The following DOT1L variants were observed in gnomAD, a reference collection of about 807,000 sequenced individuals.
DOT1L encodes DOT1 like histone lysine methyltransferase.
A neutral mutation model predicts 153.3 loss-of-function variants in DOT1L; 33 were observed. That is an observed-to-expected ratio of 0.22 (90% confidence interval 0.16 to 0.29). The LOEUF is 0.29. DOT1L is among the 10% of genes least tolerant of loss of function. The pLI is 1.00. For synonymous variants in DOT1L, 1,135 were observed against 965.1 expected, an observed-to-expected ratio of 1.18 and a Z score of -3.26; for missense variants, 1,847 against 2,119.9, an observed-to-expected ratio of 0.87 and a Z score of 2.53.
At chr19:2,211,047 C>T (rs2023693239) in intron 14 of DOT1L, 52 bp from the exon 15 acceptor site, 23 of 1,562,204 alleles carry the variant, frequency 1.5e-5, no homozygotes, top group South Asian at 1.5e-4. Context: ...ACGCCTCTGC[C>T]CACCGCTCTC....
chr19:2,222,338 A>C lies in DOT1L; in HGVS notation c.3169A>C (p.Lys1057Gln). 6.8e-6 allele frequency: 11 copies of C among 1,612,782 alleles called. No homozygotes were observed. Among genetic ancestry groups the C allele is most frequent in the Non-Finnish European group, 9.3e-6 (11 of 1,179,846 alleles). ...CATCACCACTGGTGCGGGCAGTGCC[A>C]AGCAGTCGCCCTCCAGCAAGCACAG... Reference protein sequence around the residue: ...FTITTGAGSAKQSPSSKHSPL... With the variant: ...FTITTGAGSAQQSPSSKHSPL... Residue 1057 changes from lysine to glutamine, a missense_variant, in exon 24 of 28, where the codon AAG becomes CAG. By Grantham distance (53) the Lys-to-Gln change is moderately conservative. This residue lies in a region of DOT1L where 934 missense variants were observed against 825.3 expected (regional missense o/e 1.13). Transcript: ENST00000398665. This position sits in a 1 kb window ranked among gnomAD's most constrained non-coding sequence, Gnocchi z 6.5.
chr19:2,169,456 G>A (rs1433039498), intron 1 of DOT1L, among the ~76,000 whole-genome samples: 2 of 152,170 alleles, frequency 1.3e-5, no homozygotes, highest in Admixed American at 6.6e-5. Context: ...GAATTGTCCA[G>A]AAACTCTGCA....
intron 1 of DOT1L, among the ~76,000 whole-genome samples, chr19:2,179,605 C>T (rs2022130521): frequency 6.6e-6 from 1 of 152,072 alleles, no homozygotes; most frequent in Non-Finnish European, 1.5e-5. Flanking sequence ...GTAAGGATTT[C>T]GAGACCAGCC....
intron 3 of DOT1L, among the ~76,000 whole-genome samples, chr19:2,188,494 C>CA (rs1555718593): frequency 7.7e-5 from 9 of 117,584 alleles, no homozygotes; most frequent in South Asian, 3.3e-4. Flanking sequence ...CCCCCCCCCC[C>CA]ACCCGCACAG....
At chr19:2,196,090 C>A (rs1370390989) in intron 7 of DOT1L, among the ~76,000 whole-genome samples, 1 of 152,274 alleles carries the variant, frequency 6.6e-6, no homozygotes, top group Admixed American at 6.5e-5. Context: ...CTCGACATTC[C>A]TGTCATTGCC....
chr19:2,184,124 G>A (rs1294194495), intron 2 of DOT1L, among the ~76,000 whole-genome samples: 2 of 152,180 alleles, frequency 1.3e-5, no homozygotes, highest in Non-Finnish European at 2.9e-5. Flanking sequence ...GCTGCTTTGA[G>A]TGTTTTTCTT....
chr19:2,215,153 A>G (rs1303781222), intron 19 of DOT1L, among the ~76,000 whole-genome samples: 1 of 152,096 alleles, frequency 6.6e-6, no homozygotes, highest in Non-Finnish European at 1.5e-5. Flanking sequence ...GGCATCCCCA[A>G]GGGCCATATT....
In DOT1L at chr19:2,194,560, A is replaced by C. The variant is rs1194448267; in HGVS notation, c.634A>C (p.Lys212Gln). Residue 212 changes from lysine to glutamine, a missense_variant, in exon 7 of 28, where the codon AAG (lysine) becomes CAG (glutamine). Physicochemically the swap from Lys to Gln is moderately conservative, Grantham distance 53. This residue lies in a region of DOT1L where 148 missense variants were observed against 422.3 expected (regional missense o/e 0.35). Transcript: ENST00000398665. ...GAAGTGGATGAAATGGTATGGAAAA[A>C]AGCATGCAGAATACACAGTGAGTGC... ...FRKWMKWYGKKHAEYTLERGD... is the reference protein window; with the variant it reads ...FRKWMKWYGKQHAEYTLERGD... The C allele has an allele frequency of 6.2e-7, 1 of 1,613,192 alleles. No individual in the cohort carries two copies. Among genetic ancestry groups the C allele is most frequent in the Non-Finnish European group, 8.5e-7 (1 of 1,179,932 alleles).
chr19:2,196,623 G>A (rs752317423), intron 7 of DOT1L, among the ~76,000 whole-genome samples: 9 of 152,182 alleles, frequency 5.9e-5, no homozygotes, highest in Admixed American at 2.6e-4. Flanking sequence ...GAGCCACCGC[G>A]CCGGGCCTCC....
Position 2,227,141 on chromosome 19 carries a change from C to A in DOT1L, c.4606+14C>A. 6.4e-7 allele frequency: 1 copy of A among 1,553,852 alleles called. No individual in the cohort carries two copies. Among genetic ancestry groups the A allele is most frequent in the Admixed American group, 1.9e-5 (1 of 52,244 alleles). On this transcript the variant is annotated intron_variant, in intron 27 of 27. Transcript: ENST00000398665. ...GCACAGTTGGAGGTAGGCAGGGCGGCCGTCCGTCCGCCCCCCGCCCCGGCC... is the reference window on the plus strand; with the variant it reads ...GCACAGTTGGAGGTAGGCAGGGCGGACGTCCGTCCGCCCCCCGCCCCGGCC...
intron 26 of DOT1L, among the ~76,000 whole-genome samples, chr19:2,225,970 C>G (rs781392462): frequency 3.3e-5 from 5 of 152,148 alleles, no homozygotes; most frequent in Non-Finnish European, 7.4e-5. Context: ...GCCATCTCAT[C>G]CTGTGCTGTA....
rs2144929052 is a variant in DOT1L, at chr19:2,226,207, C to T, written c.3686C>T (p.Pro1229Leu). 1 of 1,523,428 alleles carries T rather than the reference C, an allele frequency of 6.6e-7. No individual in the cohort carries two copies. Among genetic ancestry groups the T allele is most frequent in the Admixed American group, 2.0e-5 (1 of 49,542 alleles). The allele number at this position is 1,523,428 out of a possible 1,614,324, so 94.4% of individuals were successfully genotyped here. A position where few individuals can be genotyped will look rare whatever the true frequency, so the allele number is the denominator to read the frequency against. Residue 1229 changes from proline to leucine, a missense_variant, in exon 27 of 28, where the codon CCC becomes CTC. Pro to Leu is a moderately conservative substitution (Grantham distance 98). Coordinates refer to ENST00000398665, the MANE Select transcript of DOT1L (RefSeq NM_032482.3). The part of the protein sequence containing the change: ...ENGGGLAGRK[P>L]APAGEPVNSS... ...GGTGGTGGCTTGGCGGGAAGGAAGC[C>T]CGCGCCCGCCGGCGAGCCAGTCAAT... is the stretch of plus-strand genomic sequence containing the variant.
intron 26 of DOT1L, among the ~76,000 whole-genome samples, 180 bp from the exon 27 acceptor site, chr19:2,226,003 T>C (rs919209473): frequency 5.3e-5 from 8 of 152,076 alleles, no homozygotes; most frequent in African/African-American, 1.9e-4. Flanking sequence ...CATCCCATCT[T>C]GTCCCCTCCC....
At chr19:2,174,686 C>G (rs2021822972) in intron 1 of DOT1L, among the ~76,000 whole-genome samples, 1 of 151,514 alleles carries the variant, frequency 6.6e-6, no homozygotes, top group South Asian at 2.1e-4. Context: ...GTGGTGTGAT[C>G]ACAGCTCACT....
Position 2,222,008 on chromosome 19 carries a change from G to A in DOT1L, c.2839G>A (p.Gly947Arg), listed in dbSNP as rs1394886376. 51 of 1,610,826 alleles carry A rather than the reference G, an allele frequency of 3.2e-5. No individual in the cohort carries two copies. The highest frequency in any genetic ancestry group is 4.2e-5 in the Non-Finnish European group (49 of 1,178,974). ...FSYAGSVAIS[G>R]ALAGSPASLT... ...CTACGCTGGCTCGGTGGCCATCAGC[G>A]GGGCCTTGGCGGGCAGCCCGGCCTC... is the stretch of plus-strand genomic sequence containing the variant. The change falls in exon 24 of 28, where the codon GGG becomes AGG. Residue 947 changes from glycine to arginine, a missense_variant. Physicochemically the swap from Gly to Arg is moderately radical, Grantham distance 125. Transcript: ENST00000398665. This position sits in a 1 kb window ranked among gnomAD's most constrained non-coding sequence, Gnocchi z 6.5.
intron 27 of DOT1L, chr19:2,227,651 C>T: frequency 8.0e-7 from 1 of 1,254,768 alleles, no homozygotes. Context: ...CGTTTCGCTT[C>T]CCTTTTTGTG....
chr19:2,228,817 G>A (rs1568377046), intron 27 of DOT1L: 9 of 985,422 alleles, frequency 9.1e-6, no homozygotes, highest in Non-Finnish European at 1.1e-5. Context: ...TAGCAGGCAC[G>A]GTGCCGGCTG....
intron 9 of DOT1L, among the ~76,000 whole-genome samples, chr19:2,205,099 T>C (rs555217557): frequency 6.6e-6 from 1 of 151,980 alleles, no homozygotes; most frequent in East Asian, 1.9e-4. Flanking sequence ...GCCTCCCGAG[T>C]AGCTGGGACT....
intron 1 of DOT1L, 24 bp from the exon 2 acceptor site, chr19:2,180,689 C>T: frequency 1.2e-6 from 2 of 1,613,890 alleles, no homozygotes; most frequent in Non-Finnish European, 1.7e-6. Flanking sequence ...GGCTCTGCGT[C>T]TCAAACTTCT....
Sources: gnomAD v4.1 joint callset for allele counts (sites outside exome capture counted in the v4.1 genomes callset) on GRCh38, gnomAD v4.1.1 for gene constraint, gnomAD v4.1.1 regional missense constraint, Gnocchi (gnomAD v3.1) non-coding constraint, MANE v1.5 for transcripts, NCBI Gene and HGNC (gene_info 2026-07-23, HGNC 2026-07-21) for gene names.